Variants in AGBL1 observed in about 807,000 individuals in gnomAD.
The protein encoded by AGBL1 is cytosolic carboxypeptidase 4.
Under a neutral mutation model 118.9 loss-of-function variants are expected in AGBL1, and 130 were observed. That is an observed-to-expected ratio of 1.09 (90% CI 0.95 to 1.26). The LOEUF is 1.26. Ranked by LOEUF, AGBL1 falls within the 50% of genes most tolerant of loss-of-function variation. AGBL1 has a pLI of 0.00. For synonymous variants in AGBL1, 555 were observed against 478.9 expected (o/e 1.16, Z -2.08); for missense variants, 1,584 against 1,298.1 (o/e 1.22, Z -3.38).
At chr15:86,195,774 T>C (rs2077791942) in intron 5 of AGBL1, among the ~76,000 whole-genome samples, 1 of 152,236 alleles carries the variant, frequency 6.6e-6, no homozygotes, top group Non-Finnish European at 1.5e-5. Flanking sequence ...ATATAGATAC[T>C]GGCTATGCAA....
At chr15:86,192,912 C>A (rs377710529) in intron 5 of AGBL1, among the ~76,000 whole-genome samples, 2 of 152,064 alleles carry the variant, frequency 1.3e-5, no homozygotes, top group East Asian at 1.9e-4. Flanking sequence ...GTGATCTGTC[C>A]ATTATGCATC....
chr15:86,836,980 A>C (rs1269162139), intron 22 of AGBL1, among the ~76,000 whole-genome samples: 1 of 152,138 alleles, frequency 6.6e-6, no homozygotes, highest in East Asian at 1.9e-4. Context: ...TATAATCTTC[A>C]AAAGAGCAAG....
intron 21 of AGBL1, among the ~76,000 whole-genome samples, chr15:86,569,273 A>T (rs56017470): frequency 0.49 from 74,894 of 151,562 alleles, 19,420 homozygotes; most frequent in East Asian, 0.77. Flanking sequence ...TCTACAAAAA[A>T]AATTAAAATC....
At chr15:86,577,338 A>G (rs2084106263) in intron 21 of AGBL1, among the ~76,000 whole-genome samples, 2 of 152,138 alleles carry the variant, frequency 1.3e-5, no homozygotes, top group Admixed American at 1.3e-4. Flanking sequence ...AATTTAGGGT[A>G]TGTGGTGGAA....
At chr15:86,715,206 G>A (rs974369309) in intron 22 of AGBL1, among the ~76,000 whole-genome samples, 1 of 152,152 alleles carries the variant, frequency 6.6e-6, no homozygotes. Context: ...CAGAGAATGG[G>A]GGAAAATAAT....
At chr15:86,373,464 C>G (rs966936005) in intron 17 of AGBL1, among the ~76,000 whole-genome samples, 12 of 152,110 alleles carry the variant, frequency 7.9e-5, no homozygotes, top group African/African-American at 2.9e-4. Flanking sequence ...GGGAGCTTGG[C>G]TGTATTGGAT....
intron 22 of AGBL1, among the ~76,000 whole-genome samples, chr15:86,810,024 C>T (rs761094620): frequency 6.6e-6 from 1 of 152,156 alleles, no homozygotes; most frequent in Non-Finnish European, 1.5e-5. Context: ...TAAAACATCA[C>T]ATTAATTCAG....
intron 18 of AGBL1, among the ~76,000 whole-genome samples, chr15:86,431,311 A>G (rs761653721): frequency 1.3e-5 from 2 of 152,250 alleles, no homozygotes; most frequent in Non-Finnish European, 2.9e-5. Flanking sequence ...TCTTATAAGT[A>G]AAATGAATAT....
At chr15:86,547,388 A>G (rs1212339023) in intron 20 of AGBL1, among the ~76,000 whole-genome samples, 1 of 152,118 alleles carries the variant, frequency 6.6e-6, no homozygotes, top group Non-Finnish European at 1.5e-5. Flanking sequence ...AGGTAATAAT[A>G]TTAATAGATA....
At chr15:86,852,875 T>A (rs2079426619) in intron 22 of AGBL1, among the ~76,000 whole-genome samples, 1 of 152,224 alleles carries the variant, frequency 6.6e-6, no homozygotes, top group Admixed American at 6.5e-5. Context: ...ACTGGGGAAC[T>A]TTTAAAGTGC....
intron 18 of AGBL1, among the ~76,000 whole-genome samples, chr15:86,441,639 C>G (rs569915504): frequency 6.6e-6 from 1 of 152,330 alleles, no homozygotes; most frequent in East Asian, 1.9e-4. Context: ...AGTGTGTGTA[C>G]TTGGACAGGG....
chr15:86,438,350 C>T (rs745534483), intron 18 of AGBL1, among the ~76,000 whole-genome samples: 2 of 152,162 alleles, frequency 1.3e-5, no homozygotes, highest in Non-Finnish European at 2.9e-5. Flanking sequence ...CCTAATACTC[C>T]ACAATCACAT....
chr15:86,236,749 A>G (rs118176518), intron 6 of AGBL1, among the ~76,000 whole-genome samples: 5,050 of 151,962 alleles, frequency 0.033, 111 homozygotes, highest in Non-Finnish European at 0.054. Flanking sequence ...AGGAAACCAG[A>G]GTGCGGCAGA....
At chr15:86,919,401 GTT>G (rs1178852356), downstream of AGBL1, among the ~76,000 whole-genome samples, 1 of 151,970 alleles carries the variant, frequency 6.6e-6, no homozygotes, top group Non-Finnish European at 1.5e-5. Flanking sequence ...TTTTGTTGTT[GTT>G]TTTTGTTTTG....
intron 21 of AGBL1, among the ~76,000 whole-genome samples, chr15:86,659,880 G>A (rs1265303156): frequency 6.6e-6 from 1 of 152,140 alleles, no homozygotes; most frequent in East Asian, 1.9e-4. Flanking sequence ...TGGTAGGACT[G>A]TTTGCTCTGT....
intron 22 of AGBL1, among the ~76,000 whole-genome samples, chr15:86,810,345 A>G (rs763043308): frequency 3.3e-5 from 5 of 152,110 alleles, no homozygotes; most frequent in Non-Finnish European, 5.9e-5. Flanking sequence ...GCCTGTCTGC[A>G]ACACCCAGTC....
At chr15:86,131,074 T>C (rs2076812989) in intron 1 of AGBL1, among the ~76,000 whole-genome samples, 1 of 152,228 alleles carries the variant, frequency 6.6e-6, no homozygotes. Flanking sequence ...AGACCCATAC[T>C]GGGCTTTGTT....
Position 86,522,724 on chromosome 15 carries a change from TTTAA to T in AGBL1, c.2556-83_2556-80del, listed in dbSNP as rs1158974117. 3 of 1,477,866 alleles carry T rather than the reference TTTAA, an allele frequency of 2.0e-6. No individual in the cohort carries two copies. In the African/African-American group the frequency reaches 4.2e-5, roughly 21 times the overall value. The allele number at this position is 1,477,866 out of a possible 1,614,324, so 91.5% of individuals were successfully genotyped here. ...CAGAGGAAAGTTTTGAAGTCATTAG[TTTAA>T]TTGTTTATCTTGTGGAGCTTTATTT... is the stretch of plus-strand genomic sequence containing the variant. On this transcript the variant is annotated intron_variant, in intron 18 of 22. Transcript: ENST00000614907.
At chr15:86,890,992 T>C (rs1194146520) in intron 22 of AGBL1, among the ~76,000 whole-genome samples, 2 of 152,224 alleles carry the variant, frequency 1.3e-5, no homozygotes, top group Non-Finnish European at 2.9e-5. Flanking sequence ...TTGGACAGTA[T>C]GGCCATTTTC....
Sources: gnomAD v4.1 joint callset for allele counts (sites outside exome capture counted in the v4.1 genomes callset) on GRCh38, gnomAD v4.1.1 for gene constraint, MANE v1.5 for transcripts, NCBI Gene and HGNC (gene_info 2026-07-23, HGNC 2026-07-21) for gene names.